NDUFB10: variants seen among roughly 807,000 people sequenced by gnomAD.
The protein encoded by NDUFB10 is NADH dehydrogenase [ubiquinone] 1 beta subcomplex subunit 10.
NDUFB10 carries 23 observed loss-of-function variants against 19.0 expected under a neutral mutation model. The ratio of observed to expected loss-of-function variants is 1.21; its 90% CI spans 0.87 to 1.71. The LOEUF (loss-of-function observed/expected upper bound fraction) is 1.71, where lower values mean the gene tolerates loss of function less well. Among genes scored for constraint, NDUFB10 ranks in the 40% most tolerant of loss-of-function variants. NDUFB10 has a pLI of 0.00. For synonymous variants in NDUFB10, 104 were observed against 81.8 expected, an observed-to-expected ratio of 1.27 and a Z score of -1.46; for missense variants, 312 against 230.6, an observed-to-expected ratio of 1.35 and a Z score of -2.29.
rs759419894 is a variant in NDUFB10 at position 1,961,557 on chromosome 16, G to A, written c.330G>A (p.Arg110=). The change falls in exon 3 of 4, where the codon AGG becomes AGA. Residue 110 remains arginine, a synonymous_variant. Coordinates refer to ENST00000268668, the MANE Select transcript of NDUFB10 (RefSeq NM_004548.3). The part of the protein sequence containing the change: ...MQDRLKACQQ[R]EGQNYQQNCI... ...ATCGGCTCAAAGCCTGTCAGCAGAG[G>A]GAAGGACAGAACTACCAGCAGAACT... The A allele has an allele frequency of 3.7e-6, 6 of 1,613,956 alleles. No homozygotes were observed. The highest frequency in any genetic ancestry group is 1.1e-5 in the South Asian group (1 of 91,096).
In NDUFB10 at chr16:1,961,803, A is replaced by G; in HGVS notation, c.416A>G (p.Asp139Gly). The G allele has an allele frequency of 6.4e-7, 1 of 1,554,200 alleles. No individual in the cohort carries two copies. The highest frequency in any genetic ancestry group is 1.2e-5 in the South Asian group (1 of 84,190). ...GTTTCCATTGCTTCCCCAGATCAGG[A>G]CCTGGGGGCCTACAGTTCTGCCAGG... ...VAKAYQDRYQ[D>G]LGAYSSARKC... The change falls in exon 4 of 4, where the codon GAC (aspartate) becomes GGC (glycine). Residue 139 changes from aspartate (D) to glycine (G), a missense_variant. By Grantham distance (94) the Asp-to-Gly change is moderately conservative. Coordinates refer to ENST00000268668, the MANE Select transcript of NDUFB10 (RefSeq NM_004548.3).
At chr16:1,961,760 G>A (rs1181910299) in intron 3 of NDUFB10, 37 bp from the exon 4 acceptor site, 1 of 1,543,320 alleles carries the variant, frequency 6.5e-7, no homozygotes, top group Non-Finnish European at 8.8e-7. Context: ...ATGTAGCAGA[G>A]GCCTCGGTTC....
At chr16:1,961,703 A>G (rs1273709934) in intron 3 of NDUFB10, 67 bp downstream of exon 3, 3 of 1,530,390 alleles carry the variant, frequency 2.0e-6, no homozygotes, top group Non-Finnish European at 2.7e-6. Flanking sequence ...AACCATTGCA[A>G]ATCTTCCCTC....
At position 1,961,821 on chromosome 16, in the gene NDUFB10, C is replaced by G; in HGVS notation, c.434C>G (p.Ser145Cys). 1 of 1,559,494 alleles carries G rather than the reference C, an allele frequency of 6.4e-7. No homozygotes were observed. Among genetic ancestry groups the G allele is most frequent in the Non-Finnish European group, 8.7e-7 (1 of 1,151,056 alleles). Residue 145 changes from serine to cysteine, a missense_variant, in exon 4 of 4, where the codon TCT becomes TGT. Transcript: ENST00000268668. ...GATCAGGACCTGGGGGCCTACAGTT[C>G]TGCCAGGAAGTGCCTGGCCAAACAG... ...DRYQDLGAYS[S>C]ARKCLAKQRQ...
At chr16:1,961,413 A>C in intron 2 of NDUFB10, 84 bp from the exon 3 acceptor site, 1 of 1,594,522 alleles carries the variant, frequency 6.3e-7, no homozygotes, top group East Asian at 2.2e-5. Context: ...GCCAGACCCC[A>C]GGGCTCTTGC....
intron 1 of NDUFB10, among the ~76,000 whole-genome samples, chr16:1,960,451 G>C (rs984708719): frequency 1.3e-5 from 2 of 152,174 alleles, no homozygotes; most frequent in Non-Finnish European, 2.9e-5. Flanking sequence ...TCGAACTCCT[G>C]ACCTCAGGTG....
Position 1,961,861 on chromosome 16 carries a change from G to T in NDUFB10, c.474G>T (p.Leu158=), listed in dbSNP as rs765975212. Residue 158 remains leucine, a synonymous_variant, in exon 4 of 4, where the codon CTG becomes CTT. Transcript: ENST00000268668. ...KCLAKQRQRM[L]QERKAAKEAA... ...TGGCCAAACAGAGGCAGAGGATGCT[G>T]CAAGAGAGAAAAGCTGCAAAAGAGG... The T allele has an allele frequency of 9.1e-5, 143 of 1,565,750 alleles. 1 individual carries two copies. In the South Asian group the frequency reaches 1.6e-3, roughly 18 times the overall value.
In NDUFB10 at chr16:1,961,804, C is replaced by G; in HGVS notation, c.417C>G (p.Asp139Glu). Residue 139 changes from aspartate to glutamate, a missense_variant, in exon 4 of 4, where the codon GAC becomes GAG. By Grantham distance (45) the Asp-to-Glu change is conservative. Coordinates refer to ENST00000268668, the MANE Select transcript of NDUFB10 (RefSeq NM_004548.3). ...VAKAYQDRYQ[D>E]LGAYSSARKC... is the part of the protein sequence containing the mutation. ...TTTCCATTGCTTCCCCAGATCAGGA[C>G]CTGGGGGCCTACAGTTCTGCCAGGA... The G allele has an allele frequency of 6.4e-7, 1 of 1,554,096 alleles. No individual in the cohort carries two copies. The highest frequency in any genetic ancestry group is 8.7e-7 in the Non-Finnish European group (1 of 1,147,986).
chr16:1,961,098 C>T, intron 1 of NDUFB10, 55 bp from the exon 2 acceptor site: 5 of 1,596,388 alleles, frequency 3.1e-6, no homozygotes, highest in South Asian at 1.1e-5. Flanking sequence ...AATAAGAAAG[C>T]TAAAAGCCTG....
chr16:1,960,584 G>GT (rs2083247294), intron 1 of NDUFB10, among the ~76,000 whole-genome samples: 1 of 152,186 alleles, frequency 6.6e-6, no homozygotes, highest in Non-Finnish European at 1.5e-5. Context: ...CCGTAAGAGG[G>GT]TGAAGTCTCC....
At chr16:1,961,704 A>ATCTTCCCTCCC in intron 3 of NDUFB10, 68 bp downstream of exon 3, 1 of 1,534,468 alleles carries the variant, frequency 6.5e-7, no homozygotes, top group Non-Finnish European at 8.8e-7. Flanking sequence ...ACCATTGCAA[A>ATCTTCCCTCCC]TCTTCCCTCC....
intron 1 of NDUFB10, among the ~76,000 whole-genome samples, 162 bp from the exon 2 acceptor site, chr16:1,960,991 C>G (rs1361634660): frequency 6.6e-6 from 1 of 152,222 alleles, no homozygotes; most frequent in Admixed American, 6.5e-5. Flanking sequence ...ACAGGCCTGC[C>G]TGGCTGGCCA....
chr16:1,961,755 G>C (rs2083257816), intron 3 of NDUFB10, 42 bp from the exon 4 acceptor site: 1 of 1,540,468 alleles, frequency 6.5e-7, no homozygotes, highest in Non-Finnish European at 8.8e-7. Context: ...TTTGCATGTA[G>C]CAGAGGCCTC....
chr16:1,961,093 G>T, intron 1 of NDUFB10, 60 bp from the exon 2 acceptor site: 1 of 1,586,398 alleles, frequency 6.3e-7, no homozygotes, highest in South Asian at 1.1e-5. Context: ...TGAGAAATAA[G>T]AAAGCTAAAA....
Position 1,959,653 on chromosome 16 carries a change from A to G in NDUFB10, c.29A>G (p.Tyr10Cys), listed in dbSNP as rs931056109. MPDSWDKDV[Y>C]PEPPRRTPVQ... ...CCGGACAGCTGGGACAAGGATGTGT[A>G]CCCTGAGCCCCCGCGCCGCACGCCG... Residue 10 changes from tyrosine to cysteine, a missense_variant, in exon 1 of 4, where the codon TAC becomes TGC. Physicochemically the swap from Tyr to Cys is radical, Grantham distance 194 (BLOSUM62 -2). Transcript: ENST00000268668. 6.2e-7 allele frequency: 1 copy of G among 1,612,580 alleles called. No homozygotes were observed. Among genetic ancestry groups the G allele is most frequent in the Non-Finnish European group, 8.5e-7 (1 of 1,179,578 alleles).
chr16:1,960,650 T>C (rs2083247999), intron 1 of NDUFB10, among the ~76,000 whole-genome samples: 2 of 152,262 alleles, frequency 1.3e-5, no homozygotes, highest in Admixed American at 1.3e-4. Context: ...GCTCCCTCTC[T>C]TTTGTAGCAG....
At chr16:1,961,128 TGA>T (rs973162481) in intron 1 of NDUFB10, 23 bp from the exon 2 acceptor site, 14 of 1,612,536 alleles carry the variant, frequency 8.7e-6, no homozygotes, top group African/African-American at 1.3e-5. Context: ...ATGAGGCATT[TGA>T]GTCTGTGGCT....
intron 2 of NDUFB10, 34 bp from the exon 3 acceptor site, chr16:1,961,463 G>C (rs774281756): frequency 1.9e-6 from 3 of 1,611,852 alleles, no homozygotes; most frequent in African/African-American, 1.3e-5. Flanking sequence ...AGGATTCCTT[G>C]TGATTAGCCT....
chr16:1,961,316 G>A (rs2083253075), intron 2 of NDUFB10, 25 bp downstream of exon 2: 3 of 1,613,588 alleles, frequency 1.9e-6, no homozygotes, highest in Non-Finnish European at 2.5e-6. Flanking sequence ...CTGGGAGTGT[G>A]GAGATCTGCA....
Sources: allele counts gnomAD v4.1 joint callset (sites outside exome capture counted in the v4.1 genomes callset), GRCh38; gene constraint gnomAD v4.1.1; transcripts MANE v1.5; gene names NCBI Gene and HGNC (gene_info 2026-07-23, HGNC 2026-07-21).